The following LIMD1 variants were observed in gnomAD, a reference collection of about 807,000 sequenced individuals.
The protein encoded by LIMD1 is LIM domain containing 1, also known as LIM domain-containing protein 1.
LIMD1 carries 23 observed loss-of-function variants against 58.4 expected under a neutral mutation model. The observed-to-expected ratio is 0.39, with a 90% CI of 0.28 to 0.56. The LOEUF is 0.56. Ranked by LOEUF, LIMD1 falls within the 20% of genes least tolerant of loss-of-function variation. The probability of loss-of-function intolerance (pLI) is 0.57; values close to 1 mark genes in which losing one functional copy is unlikely to be tolerated. For missense variants in LIMD1, 838 were observed against 855.5 expected, an observed-to-expected ratio of 0.98 and a Z score of 0.25; for synonymous variants, 334 against 345.5, an observed-to-expected ratio of 0.97 and a Z score of 0.37.
At chr3:45,665,787 C>T (rs746757144) in intron 3 of LIMD1, 70 bp downstream of exon 3, 23 of 1,348,360 alleles carry the variant, frequency 1.7e-5, no homozygotes, top group Non-Finnish European at 2.3e-5. Flanking sequence ...CTGGGGGGAC[C>T]TGGGCCAGCG....
chr3:45,612,090 TC>T (rs1701531002), intron 1 of LIMD1, among the ~76,000 whole-genome samples: 10 of 151,978 alleles, frequency 6.6e-5, no homozygotes, highest in Admixed American at 5.9e-4. Flanking sequence ...TCTCTCTCTC[TC>T]TCTCTCTCTT....
intron 2 of LIMD1, among the ~76,000 whole-genome samples, chr3:45,645,380 C>T (rs1004132960): frequency 1.3e-4 from 20 of 152,142 alleles, no homozygotes; most frequent in African/African-American, 3.9e-4. Flanking sequence ...TGAGAGGTTT[C>T]GCAGTATATT....
intron 1 of LIMD1, among the ~76,000 whole-genome samples, chr3:45,600,899 A>T (rs1363845182): frequency 6.6e-6 from 1 of 152,154 alleles, no homozygotes; most frequent in Non-Finnish European, 1.5e-5. Context: ...CCCCATCTCT[A>T]CAAAAAACAC....
At position 45,683,304 on chromosome 3, in the gene LIMD1, G is replaced by A. The variant is rs1312130452; in HGVS notation, c.*6245G>A. 1 of 152,172 alleles carries A rather than the reference G, an allele frequency of 6.6e-6. No homozygotes were observed. The highest frequency in any genetic ancestry group is 1.9e-4 in the East Asian group (1 of 5,194). 9.4% of individuals were successfully genotyped at this position (152,172 alleles called of 1,614,324 possible). On this transcript the variant is annotated 3_prime_UTR_variant, in exon 8 of 8. Transcript: ENST00000273317. ...GAATTGGCTTCCTAAGGCCAATTCA[G>A]GCTGACTTCCTAGAACTAAGTCAAA...
At chr3:45,636,372 A>G (rs1364675652) in intron 2 of LIMD1, 121 bp downstream of exon 2, 5 of 720,874 alleles carry the variant, frequency 6.9e-6, no homozygotes, top group Non-Finnish European at 1.2e-5. Context: ...TCAGCCCCAC[A>G]GAAAAGCCAG....
chr3:45,648,183 G>A (rs1467535588), intron 2 of LIMD1, among the ~76,000 whole-genome samples: 1 of 152,130 alleles, frequency 6.6e-6, no homozygotes, highest in African/African-American at 2.4e-5. Context: ...TCTGAACACA[G>A]AATAAATGTT....
In LIMD1 at chr3:45,595,002, T is replaced by G. The variant is rs1292187304; in HGVS notation, c.123T>G (p.Phe41Leu). 9.3e-6 allele frequency: 15 copies of G among 1,614,020 alleles called. No individual in the cohort carries two copies. The highest frequency in any genetic ancestry group is 1.3e-5 in the Non-Finnish European group (15 of 1,180,020). The change falls in exon 1 of 8, where the codon TTT (phenylalanine) becomes TTG (leucine). Residue 41 changes from phenylalanine (F) to leucine (L), a missense_variant. Physicochemically the swap from Phe to Leu is conservative, Grantham distance 22. This residue lies in a region of LIMD1 where 659 missense variants were observed against 639.8 expected (regional missense o/e 1.03). Transcript: ENST00000273317. ...VDKGAGNNPEFEETRRVFATK... is the reference protein window; with the variant it reads ...VDKGAGNNPELEETRRVFATK... ...AGGGTGCAGGCAACAACCCCGAGTT[T>G]GAGGAAACTCGCAGGGTGTTCGCCA...
chr3:45,630,780 T>A (rs760447588), intron 1 of LIMD1, among the ~76,000 whole-genome samples: 69 of 152,146 alleles, frequency 4.5e-4, no homozygotes, highest in Admixed American at 9.2e-4. Context: ...TAATGAGACC[T>A]TTGAGTTGGA....
At chr3:45,670,075 G>T (rs980064628) in intron 4 of LIMD1, among the ~76,000 whole-genome samples, 1 of 152,076 alleles carries the variant, frequency 6.6e-6, no homozygotes, top group African/African-American at 2.4e-5. Flanking sequence ...CCTGGGAAAC[G>T]TGGCCCTTCC....
intron 1 of LIMD1, chr3:45,632,635 T>G: frequency 1.3e-6 from 1 of 760,064 alleles, no homozygotes; most frequent in Non-Finnish European, 1.6e-6. Context: ...CTTGAGCACT[T>G]GCGGAGGCCA....
At chr3:45,597,561 A>G (rs1288391747) in intron 1 of LIMD1, among the ~76,000 whole-genome samples, 2 of 152,236 alleles carry the variant, frequency 1.3e-5, no homozygotes, top group African/African-American at 2.4e-5. Context: ...AGTAATGATT[A>G]GTTGTCTCAT....
In LIMD1 at chr3:45,678,018, C is replaced by G. The variant is rs1179458904; in HGVS notation, c.*959C>G. 1.3e-5 allele frequency: 2 copies of G among 152,400 alleles called. No homozygotes were observed. The highest frequency in any genetic ancestry group is 4.8e-5 in the African/African-American group (2 of 41,428). The allele number at this position is 152,400 out of a possible 1,614,324, so 9.4% of individuals were successfully genotyped here. ...ATACTGAGAGACAGCTTCTTATAAA[C>G]AAGGAGAGTTTTTGTGTGTGCGAGA... is the stretch of plus-strand genomic sequence containing the variant. On this transcript the variant is annotated 3_prime_UTR_variant, in exon 8 of 8. Transcript: ENST00000273317.
intron 1 of LIMD1, among the ~76,000 whole-genome samples, chr3:45,607,030 G>A (rs1701474250): frequency 6.6e-6 from 1 of 152,212 alleles, no homozygotes; most frequent in African/African-American, 2.4e-5. Context: ...CTGACCTCAA[G>A]TGATCCACCC....
chr3:45,663,260 C>T (rs181462922), intron 2 of LIMD1, among the ~76,000 whole-genome samples: 35 of 152,274 alleles, frequency 2.3e-4, no homozygotes, highest in South Asian at 1.9e-3. Context: ...ACAACGTTGC[C>T]GTGAACATCC....
chr3:45,613,640 T>C (rs1291801875), intron 1 of LIMD1, among the ~76,000 whole-genome samples: 1 of 151,562 alleles, frequency 6.6e-6, no homozygotes, highest in Non-Finnish European at 1.5e-5. Flanking sequence ...TGTTTTTGTG[T>C]AAGACTTTGG....
intron 2 of LIMD1, among the ~76,000 whole-genome samples, chr3:45,637,281 A>ACT (rs1272354791): frequency 1.1e-5 from 1 of 90,256 alleles, no homozygotes; most frequent in African/African-American, 6.7e-5. Context: ...CAAGTGTATT[A>ACT]ATTTTTTTTT....
At position 45,627,901 on chromosome 3, in the gene LIMD1, A is replaced by G. The variant is rs567302736; in HGVS notation, c.1409-8249A>G. Among the ~76,000 whole-genome samples the G allele has an allele frequency of 1.7e-4, 26 of 151,314 alleles. No homozygotes were observed. The South Asian group carries it at 5.2e-3, about 30-fold the overall frequency. ...TGCACGCCTGTAGTCCCAGCTACTC[A>G]GGAGGCTGAGGCAGGAGAATCGCTT... On this transcript the variant is annotated intron_variant, in intron 1 of 7. Coordinates refer to ENST00000273317, the MANE Select transcript of LIMD1 (RefSeq NM_014240.3).
Position 45,683,285 on chromosome 3 carries a change from G to C in LIMD1, c.*6226G>C, listed in dbSNP as rs1697766855. ...GATAGGGTCTGGAGGCATGGAATTG[G>C]CTTCCTAAGGCCAATTCAGGCTGAC... On this transcript the variant is annotated 3_prime_UTR_variant, in exon 8 of 8. Coordinates refer to ENST00000273317, the MANE Select transcript of LIMD1 (RefSeq NM_014240.3). 6.6e-6 allele frequency: 1 copy of C among 152,164 alleles called. No homozygotes were observed. Among genetic ancestry groups the C allele is most frequent in the Non-Finnish European group, 1.5e-5 (1 of 68,064 alleles). The allele number at this position is 152,164 out of a possible 1,614,324, so 9.4% of individuals were successfully genotyped here. A position where few individuals can be genotyped will look rare whatever the true frequency, so the allele number is the denominator to read the frequency against.
chr3:45,649,178 A>G (rs541255910), intron 2 of LIMD1, among the ~76,000 whole-genome samples: 40 of 152,298 alleles, frequency 2.6e-4, no homozygotes, highest in Non-Finnish European at 5.4e-4. Flanking sequence ...AGATTTAACT[A>G]ATAAGAAAAA....
Sources: gnomAD v4.1 joint callset for allele counts (sites outside exome capture counted in the v4.1 genomes callset) on GRCh38, gnomAD v4.1.1 for gene constraint, gnomAD v4.1.1 regional missense constraint, MANE v1.5 for transcripts, NCBI Gene and HGNC (gene_info 2026-07-23, HGNC 2026-07-21) for gene names.